The following ROR2 variants were observed in gnomAD, a reference collection of about 807,000 sequenced individuals.
The protein encoded by ROR2 is tyrosine-protein kinase transmembrane receptor ROR2.
In ROR2, 33 loss-of-function variants were observed where a neutral mutation model predicts 74.9. The ratio of observed to expected loss-of-function variants is 0.44; its 90% CI spans 0.33 to 0.59. The LOEUF (loss-of-function observed/expected upper bound fraction) is 0.59, where lower values mean the gene tolerates loss of function less well. Among genes scored for constraint, ROR2 ranks in the 20% least tolerant of loss-of-function variants. The pLI is 0.02. For synonymous variants in ROR2, 586 were observed against 558.7 expected, an observed-to-expected ratio of 1.05 and a Z score of -0.69; for missense variants, 1,216 against 1,313.8, an observed-to-expected ratio of 0.93 and a Z score of 1.15.
At chr9:91,847,071 G>GC (rs1828955384) in intron 1 of ROR2, among the ~76,000 whole-genome samples, 1 of 152,168 alleles carries the variant, frequency 6.6e-6, no homozygotes, top group Admixed American at 6.6e-5. Context: ...CATGGATTGG[G>GC]CCGGGGGGAA....
In ROR2 at chr9:91,752,366, G is replaced by A. The variant is rs149586035; in HGVS notation, c.494+3705C>T. On this transcript the variant is annotated intron_variant, in intron 4 of 8. Transcript: ENST00000375708. ...TCAACAGGAGAATGGATAAATCAAC[G>A]CGTATGTTCATACCATAAAATGCTA... Among the ~76,000 whole-genome samples the A allele has an allele frequency of 7.6e-3, 1,154 of 152,246 alleles. 8 individuals carry two copies. Among genetic ancestry groups the A allele is most frequent in the Non-Finnish European group, 0.01 (687 of 68,028 alleles).
intron 1 of ROR2, among the ~76,000 whole-genome samples, chr9:91,823,594 A>G (rs1196794987): frequency 6.6e-6 from 1 of 152,126 alleles, no homozygotes; most frequent in Non-Finnish European, 1.5e-5. Context: ...CCTCAGCAAC[A>G]AATTTTTATA....
chr9:91,843,626 A>G (rs2312735), intron 1 of ROR2, among the ~76,000 whole-genome samples: 71,463 of 151,964 alleles, frequency 0.47, 19,306 homozygotes, highest in African/African-American at 0.73. Context: ...AGAAATTACT[A>G]TATGTCTAGA....
chr9:91,885,867 CCT>C (rs1830253680), intron 1 of ROR2, among the ~76,000 whole-genome samples: 1 of 130,112 alleles, frequency 7.7e-6, no homozygotes, highest in Admixed American at 8.4e-5. Flanking sequence ...AGTATGGTTT[CCT>C]TTTTTTTTTT....
intron 1 of ROR2, among the ~76,000 whole-genome samples, chr9:91,877,604 C>A (rs746117987): frequency 3.3e-4 from 50 of 152,216 alleles, no homozygotes; most frequent in Non-Finnish European, 1.3e-4. Flanking sequence ...ACAACAATTA[C>A]AATCACTCCT....
chr9:91,860,532 G>A (rs1829440317), intron 1 of ROR2, among the ~76,000 whole-genome samples: 1 of 152,230 alleles, frequency 6.6e-6, no homozygotes, highest in Non-Finnish European at 1.5e-5. Context: ...CATGGAGGCT[G>A]AAAGACCCAC....
intron 1 of ROR2, among the ~76,000 whole-genome samples, chr9:91,933,025 A>T (rs1831590392): frequency 6.6e-6 from 1 of 152,226 alleles, no homozygotes; most frequent in Non-Finnish European, 1.5e-5. Context: ...TAGGCCAAGC[A>T]CAGTGGCCTA....
intron 1 of ROR2, among the ~76,000 whole-genome samples, chr9:91,941,276 C>A (rs568426115): frequency 1.2e-4 from 19 of 152,326 alleles, no homozygotes; most frequent in African/African-American, 4.6e-4. Flanking sequence ...GGATTACAGG[C>A]GTGAGCCACC....
Position 91,755,909 on chromosome 9 carries a change from T to C in ROR2, c.494+162A>G, listed in dbSNP as rs1825734671. On this transcript the variant is annotated intron_variant, in intron 4 of 8. Transcript: ENST00000375708. ...ACAAGAAACATGAAAAATGTAAATG[T>C]TTCCCAACCCTAAGCAAGCACGTGG... 8 of 710,534 alleles carry C rather than the reference T, an allele frequency of 1.1e-5. No homozygotes were observed. In the South Asian group the frequency reaches 1.3e-4, roughly 12 times the overall value. 44.0% of individuals were successfully genotyped at this position (710,534 alleles called of 1,614,324 possible).
chr9:91,863,331 G>C (rs896895389), intron 1 of ROR2, among the ~76,000 whole-genome samples: 1 of 152,180 alleles, frequency 6.6e-6, no homozygotes, highest in Non-Finnish European at 1.5e-5. Context: ...AGAGTTACCA[G>C]AGGACTCTGC....
At chr9:91,846,113 G>T (rs970285065) in intron 1 of ROR2, among the ~76,000 whole-genome samples, 2 of 152,146 alleles carry the variant, frequency 1.3e-5, no homozygotes, top group African/African-American at 2.4e-5. Flanking sequence ...GCCCAGGCAA[G>T]GCCTGCTGTT....
intron 2 of ROR2, among the ~76,000 whole-genome samples, chr9:91,763,120 A>G (rs1167782706): frequency 2.0e-5 from 3 of 152,172 alleles, no homozygotes; most frequent in African/African-American, 7.2e-5. Context: ...GGAATAAAAC[A>G]CTGAGTACAC....
chr9:91,736,920 C>T (rs746110738), intron 5 of ROR2, among the ~76,000 whole-genome samples: 2 of 152,112 alleles, frequency 1.3e-5, no homozygotes, highest in Non-Finnish European at 2.9e-5. Context: ...ACTGATGACC[C>T]GCGACTCTTT....
chr9:91,937,029 CAA>C lies in ROR2; in HGVS notation c.97+12836_97+12837del, dbSNP rs540672189. 3.9e-3 allele frequency among the ~76,000 whole-genome samples: 255 copies of C among 65,624 alleles called. 10 individuals are homozygous for C. Among genetic ancestry groups the C allele is most frequent in the African/African-American group, 0.013 (220 of 16,364 alleles). 43.1% of individuals were successfully genotyped at this position (65,624 alleles called of 152,430 possible). A position where few individuals can be genotyped will look rare whatever the true frequency, so the allele number is the denominator to read the frequency against. On this transcript the variant is annotated intron_variant, in intron 1 of 8. Transcript: ENST00000375708. ...TGGGCGACAGAGCGAGACTCCGTCT[CAA>C]AAAAAAAAAAAAAAAAGATTTCCCA...
intron 1 of ROR2, among the ~76,000 whole-genome samples, chr9:91,820,322 A>G (rs1726215607): frequency 6.6e-6 from 1 of 152,156 alleles, no homozygotes; most frequent in South Asian, 2.1e-4. Flanking sequence ...GATGCCCTCT[A>G]CAAGTCAGCC....
rs188982825 is a variant in ROR2, at chr9:91,867,408, G to A, written c.97+82459C>T. ...TTAATTCTGCAATTGGAGGAGCTGGGGTCTCAAGAGGTGGTCAAACTCCAT... is the reference window on the plus strand; with the variant it reads ...TTAATTCTGCAATTGGAGGAGCTGGAGTCTCAAGAGGTGGTCAAACTCCAT... On this transcript the variant is annotated intron_variant, in intron 1 of 8. Transcript: ENST00000375708. Among the ~76,000 whole-genome samples, 20 of 152,192 alleles carry A rather than the reference G, an allele frequency of 1.3e-4. No individual in the cohort carries two copies. In the East Asian group the frequency reaches 2.1e-3, roughly 16 times the overall value.
chr9:91,755,156 G>T (rs565139916), intron 4 of ROR2, among the ~76,000 whole-genome samples: 1 of 144,600 alleles, frequency 6.9e-6, no homozygotes, highest in African/African-American at 2.7e-5. Context: ...CTGTCTATTT[G>T]GGGGGGGAAA....
At position 91,726,055 on chromosome 9, in the gene ROR2, C is replaced by G. The variant is rs897151357; in HGVS notation, c.1386+486G>C. Among the ~76,000 whole-genome samples, 15 of 152,336 alleles carry G rather than the reference C, an allele frequency of 9.8e-5. No individual in the cohort carries two copies. In the East Asian group the frequency reaches 2.7e-3, roughly 27 times the overall value. ...TCTGTTGTATTTCAGTGCCCCACCC[C>G]CATCTAAGGCTGCTCTGGGATGAGG... is the stretch of plus-strand genomic sequence containing the variant. On this transcript the variant is annotated intron_variant, in intron 8 of 8. Coordinates refer to ENST00000375708, the MANE Select transcript of ROR2 (RefSeq NM_004560.4).
intron 1 of ROR2, among the ~76,000 whole-genome samples, chr9:91,917,726 A>G (rs889759365): frequency 6.6e-6 from 1 of 152,132 alleles, no homozygotes; most frequent in Non-Finnish European, 1.5e-5. Flanking sequence ...GTGGGTGCAC[A>G]CTGGGGTTGG....
Sources: allele counts gnomAD v4.1 joint callset (sites outside exome capture counted in the v4.1 genomes callset), GRCh38; gene constraint gnomAD v4.1.1; transcripts MANE v1.5; gene names NCBI Gene and HGNC (gene_info 2026-07-23, HGNC 2026-07-21).